DCUN1D5: variants seen among roughly 807,000 people sequenced by gnomAD.
DCUN1D5 encodes the protein DCN1-like protein 5.
Under a neutral mutation model 38.3 loss-of-function variants are expected in DCUN1D5, and 10 were observed. The observed-to-expected ratio is 0.26, with a 90% CI of 0.16 to 0.44. The LOEUF (loss-of-function observed/expected upper bound fraction) is 0.44. DCUN1D5 is among the 20% of genes least tolerant of loss of function. The pLI is 1.00. For synonymous variants in DCUN1D5, 93 were observed against 90.9 expected (o/e 1.02, Z -0.13); for missense variants, 148 against 275.3 (o/e 0.54, Z 3.27).
At chr11:103,069,770 T>C (rs181376376) in intron 4 of DCUN1D5, among the ~76,000 whole-genome samples, 69 of 152,184 alleles carry the variant, frequency 4.5e-4, no homozygotes, top group Admixed American at 9.8e-4. Context: ...GAATGCAGAG[T>C]AGAAAATTCA....
intron 1 of DCUN1D5, among the ~76,000 whole-genome samples, chr11:103,090,167 AT>A (rs1862821878): frequency 6.6e-6 from 1 of 152,226 alleles, no homozygotes; most frequent in Non-Finnish European, 1.5e-5. Context: ...CTGAGTTCTA[AT>A]AATACTGCCT....
chr11:103,076,049 C>G (rs1419679736), intron 4 of DCUN1D5, among the ~76,000 whole-genome samples: 3 of 152,120 alleles, frequency 2.0e-5, no homozygotes, highest in African/African-American at 7.2e-5. Flanking sequence ...ATGTGAGTCA[C>G]ATCTTTCATA....
intron 2 of DCUN1D5, among the ~76,000 whole-genome samples, chr11:103,084,188 A>G (rs1364336031): frequency 6.6e-6 from 1 of 152,214 alleles, no homozygotes; most frequent in Admixed American, 6.5e-5. Context: ...AATATGAGAA[A>G]TGTGTTTACC....
chr11:103,066,641 T>C lies in DCUN1D5; in HGVS notation c.342-74A>G. 1.2e-6 allele frequency: 1 copy of C among 828,776 alleles called. No homozygotes were observed. The highest frequency in any genetic ancestry group is 1.9e-6 in the Non-Finnish European group (1 of 519,500). The allele number at this position is 828,776 out of a possible 1,614,324, so 51.3% of individuals were successfully genotyped here. ...TAAAAGTATCACTGGGGGTTAGACG[T>C]AATGCATTAAGAAAAAAGTGAGCGC... On this transcript the variant is annotated intron_variant, in intron 4 of 7. Transcript: ENST00000260247. The surrounding 1 kb of genome is among the most constrained non-coding windows in gnomAD (Gnocchi z 4.7).
chr11:103,069,432 A>G lies in DCUN1D5; in HGVS notation c.342-2865T>C, dbSNP rs189364129. Among the ~76,000 whole-genome samples, 78 of 152,338 alleles carry G rather than the reference A, an allele frequency of 5.1e-4. 2 individuals carry two copies. In the East Asian group the frequency reaches 0.011, roughly 21 times the overall value. ...TGGCCCAACTCCCACCAATGCCAGCAAAGACTGAATGGGGACCTAAAATGT... is the reference window on the plus strand; with the variant it reads ...TGGCCCAACTCCCACCAATGCCAGCGAAGACTGAATGGGGACCTAAAATGT... On this transcript the variant is annotated intron_variant, in intron 4 of 7. Coordinates refer to ENST00000260247, the MANE Select transcript of DCUN1D5 (RefSeq NM_032299.4).
At chr11:103,081,251 G>A (rs1033986788) in intron 4 of DCUN1D5, among the ~76,000 whole-genome samples, 6 of 151,948 alleles carry the variant, frequency 3.9e-5, no homozygotes, top group Non-Finnish European at 8.8e-5. Flanking sequence ...GGAGGAGGAG[G>A]AGTCCAAAAT....
chr11:103,090,480 A>G (rs1389116852), intron 1 of DCUN1D5, among the ~76,000 whole-genome samples: 1 of 152,214 alleles, frequency 6.6e-6, no homozygotes, highest in South Asian at 2.1e-4. Context: ...GTTTAAGCAG[A>G]TCTCTCTTTA....
At chr11:103,075,387 GT>G (rs777871689) in intron 4 of DCUN1D5, among the ~76,000 whole-genome samples, 31 of 146,478 alleles carry the variant, frequency 2.1e-4, no homozygotes, top group East Asian at 1.4e-3. Flanking sequence ...CTTTTAAAAA[GT>G]TTTTTTTTTT....
chr11:103,058,667 A>T lies in DCUN1D5; in HGVS notation c.*3692T>A, dbSNP rs575913649. 6.7e-6 allele frequency among the ~76,000 whole-genome samples: 1 copy of T among 150,152 alleles called. No homozygotes were observed. Among genetic ancestry groups the T allele is most frequent in the East Asian group, 1.9e-4 (1 of 5,192 alleles). On this transcript the variant is annotated 3_prime_UTR_variant, in exon 8 of 8. Coordinates refer to ENST00000260247, the MANE Select transcript of DCUN1D5 (RefSeq NM_032299.4). Reference sequence around the variant, plus strand: ...CCTGAAGTAATAAAACTATATCATTAAAAAAAGATATAATCCAGAATATTT... The same window carrying T: ...CCTGAAGTAATAAAACTATATCATTTAAAAAAGATATAATCCAGAATATTT...
chr11:103,080,108 AGT>A (rs1051214439), intron 4 of DCUN1D5: 2 of 152,230 alleles, frequency 1.3e-5, no homozygotes, highest in Non-Finnish European at 2.9e-5. Context: ...CCTTTAACAC[AGT>A]GTATGTTTTA....
chr11:103,086,701 T>C lies in DCUN1D5; in HGVS notation c.178+2526A>G, dbSNP rs1229676549. ...GGATCTTGTCTGACTTGCTCAGCAC[T>C]ATATATCCAGCACTCAGCACAGTGC... is the stretch of plus-strand genomic sequence containing the variant. On this transcript the variant is annotated intron_variant, in intron 2 of 7. Coordinates refer to ENST00000260247, the MANE Select transcript of DCUN1D5 (RefSeq NM_032299.4). This position sits in a 1 kb window ranked among gnomAD's most constrained non-coding sequence, Gnocchi z 4.1. 1.3e-5 allele frequency among the ~76,000 whole-genome samples: 2 copies of C among 152,198 alleles called. No individual in the cohort carries two copies. The highest frequency in any genetic ancestry group is 4.8e-5 in the African/African-American group (2 of 41,450).
rs1158345733 is a variant in DCUN1D5, at chr11:103,087,969, G to T, written c.178+1258C>A. Among the ~76,000 whole-genome samples the T allele has an allele frequency of 6.6e-6, 1 of 152,104 alleles. No homozygotes were observed. The highest frequency in any genetic ancestry group is 1.5e-5 in the Non-Finnish European group (1 of 68,020). On this transcript the variant is annotated intron_variant, in intron 2 of 7. Transcript: ENST00000260247. The surrounding 1 kb of genome is among the most constrained non-coding windows in gnomAD (Gnocchi z 4.1). Reference sequence around the variant, plus strand: ...TAATGGGTCAACATTTTAAATGGAGGTCAGTAAGAAATGAATTCCCTTCAT... The same window carrying T: ...TAATGGGTCAACATTTTAAATGGAGTTCAGTAAGAAATGAATTCCCTTCAT...
rs1171844762 is a variant in DCUN1D5, at chr11:103,059,565, AT to A, written c.*2793del. On this transcript the variant is annotated 3_prime_UTR_variant, in exon 8 of 8. Coordinates refer to ENST00000260247, the MANE Select transcript of DCUN1D5 (RefSeq NM_032299.4). ...GCTACTACTGTCAAAAATGTATTAT[AT>A]CAATAATTTTATCAGCAGCATTTAA... is the stretch of plus-strand genomic sequence containing the variant. Among the ~76,000 whole-genome samples the A allele has an allele frequency of 2.0e-5, 3 of 152,280 alleles. No homozygotes were observed. The highest frequency in any genetic ancestry group is 3.4e-3 in the Middle Eastern group (1 of 294).
At position 103,064,224 on chromosome 11, in the gene DCUN1D5, T is replaced by C. The variant is rs1353604253; in HGVS notation, c.658+51A>G. The C allele has an allele frequency of 1.4e-6, 2 of 1,437,520 alleles. No individual in the cohort carries two copies. The highest frequency in any genetic ancestry group is 1.2e-5 in the South Asian group (1 of 85,088). The allele number at this position is 1,437,520 out of a possible 1,614,324, so 89.0% of individuals were successfully genotyped here. A position where few individuals can be genotyped will look rare whatever the true frequency, so the allele number is the denominator to read the frequency against. ...TACTACACAAATGCATACTCTCATTTAATATTTTTGGAAATTTTGTTTTCA... is the reference window on the plus strand; with the variant it reads ...TACTACACAAATGCATACTCTCATTCAATATTTTTGGAAATTTTGTTTTCA... On this transcript the variant is annotated intron_variant, in intron 7 of 7. Coordinates refer to ENST00000260247, the MANE Select transcript of DCUN1D5 (RefSeq NM_032299.4). This position sits in a 1 kb window ranked among gnomAD's most constrained non-coding sequence, Gnocchi z 4.5.
Position 103,092,137 on chromosome 11 carries a change from G to T in DCUN1D5, c.-265C>A, listed in dbSNP as rs1182803435. ...GGGAGGAGATAACGCGGACAGCGCG[G>T]CAGCTCCACCAGTCACAGCAAGCAA... On this transcript the variant is annotated 5_prime_UTR_variant, in exon 1 of 8. Transcript: ENST00000260247. The T allele has an allele frequency of 4.6e-6, 2 of 434,980 alleles. No individual in the cohort carries two copies. Among genetic ancestry groups the T allele is most frequent in the Non-Finnish European group, 8.2e-6 (2 of 242,936 alleles). The allele number at this position is 434,980 out of a possible 1,614,324, so 26.9% of individuals were successfully genotyped here. A position where few individuals can be genotyped will look rare whatever the true frequency, so the allele number is the denominator to read the frequency against.
At position 103,083,232 on chromosome 11, in the gene DCUN1D5, A is replaced by G; in HGVS notation, c.249+24T>C. The G allele has an allele frequency of 1.5e-6, 2 of 1,297,214 alleles. No individual in the cohort carries two copies. The highest frequency in any genetic ancestry group is 1.1e-6 in the Non-Finnish European group (1 of 893,972). The allele number at this position is 1,297,214 out of a possible 1,614,324, so 80.4% of individuals were successfully genotyped here. On this transcript the variant is annotated intron_variant, in intron 3 of 7. Coordinates refer to ENST00000260247, the MANE Select transcript of DCUN1D5 (RefSeq NM_032299.4). This position sits in a 1 kb window ranked among gnomAD's most constrained non-coding sequence, Gnocchi z 4.4. Reference sequence around the variant, plus strand: ...ATATGCTATACCCCACTTATATGCCATTCTACTTAGAAATAAAACATACAT... The same window carrying G: ...ATATGCTATACCCCACTTATATGCCGTTCTACTTAGAAATAAAACATACAT...
rs185308192 is a variant in DCUN1D5, at chr11:103,064,695, T to C, written c.556-318A>G. On this transcript the variant is annotated intron_variant, in intron 6 of 7. Coordinates refer to ENST00000260247, the MANE Select transcript of DCUN1D5 (RefSeq NM_032299.4). This position sits in a 1 kb window ranked among gnomAD's most constrained non-coding sequence, Gnocchi z 4.5. ...GATATATAACATTTCCTACATCCAG[T>C]ATGTTCTATTGTGCTGCTTCCTAGT... Among the ~76,000 whole-genome samples the C allele has an allele frequency of 6.6e-6, 1 of 152,326 alleles. No individual in the cohort carries two copies. The highest frequency in any genetic ancestry group is 2.4e-5 in the African/African-American group (1 of 41,584).
At chr11:103,074,434 G>C (rs1001479499) in intron 4 of DCUN1D5, among the ~76,000 whole-genome samples, 6 of 152,080 alleles carry the variant, frequency 3.9e-5, no homozygotes, top group Non-Finnish European at 8.8e-5. Context: ...TTTTGAGATT[G>C]AGTCTCGCTC....
chr11:103,050,905 T>C lies in DCUN1D5; in HGVS notation c.*11454A>G, dbSNP rs1048667148. Reference sequence around the variant, plus strand: ...CTAATAAAAGTATATACAAGGTTAGTAGTGTCTCCATGATGGGTAAGGAAA... The same window carrying C: ...CTAATAAAAGTATATACAAGGTTAGCAGTGTCTCCATGATGGGTAAGGAAA... On this transcript the variant is annotated 3_prime_UTR_variant, in exon 8 of 8. Coordinates refer to ENST00000260247, the MANE Select transcript of DCUN1D5 (RefSeq NM_032299.4). 6.6e-6 allele frequency: 1 copy of C among 152,158 alleles called. No individual in the cohort carries two copies. Among genetic ancestry groups the C allele is most frequent in the Non-Finnish European group, 1.5e-5 (1 of 68,026 alleles). The allele number at this position is 152,158 out of a possible 1,614,324, so 9.4% of individuals were successfully genotyped here.
Sources: allele counts gnomAD v4.1 joint callset (sites outside exome capture counted in the v4.1 genomes callset), GRCh38; gene constraint gnomAD v4.1.1; non-coding constraint Gnocchi (gnomAD v3.1); transcripts MANE v1.5; gene names NCBI Gene and HGNC (gene_info 2026-07-23, HGNC 2026-07-21).